BRME1: variants seen among roughly 807,000 people sequenced by gnomAD.
BRME1 encodes the protein BRCA2 and MEILB2-associating protein 1.
A neutral mutation model predicts 52.6 loss-of-function variants in BRME1; 31 were observed. The observed-to-expected ratio is 0.59, with a 90% CI of 0.44 to 0.80. The LOEUF is 0.80. Among genes scored for constraint, BRME1 ranks in the 30% least tolerant of loss-of-function variants. The pLI is 0.00. For synonymous variants in BRME1, 359 were observed against 353.6 expected, an observed-to-expected ratio of 1.02 and a Z score of -0.17; for missense variants, 804 against 860.3, an observed-to-expected ratio of 0.93 and a Z score of 0.82.
chr19:13,890,273 G>A lies in BRME1; in HGVS notation c.583C>T (p.Pro195Ser). 6.2e-7 allele frequency: 1 copy of A among 1,613,500 alleles called. No homozygotes were observed. The highest frequency in any genetic ancestry group is 2.2e-5 in the East Asian group (1 of 44,888). ...GCGGACAACCCCGTCCCCCTGTCTG[G>A]AGGGTCATCAGGCTGAGAATCCCCA... ...GSGDSQPDDP[P>S]DRGTGLSASQ... Residue 195 changes from proline (P) to serine (S), a missense_variant, in exon 6 of 9, where the codon CCA becomes TCA. Pro to Ser is a moderately conservative substitution (Grantham distance 74). Coordinates refer to ENST00000586783, the MANE Select transcript of BRME1 (RefSeq NM_001345843.2).
intron 5 of BRME1, 51 bp from the exon 6 acceptor site, chr19:13,890,513 C>G: frequency 7.0e-7 from 1 of 1,426,166 alleles, no homozygotes; most frequent in Non-Finnish European, 9.2e-7. Flanking sequence ...CCAAGTTCTC[C>G]GAAGAGTTTT....
chr19:13,905,043 G>A, intron 1 of BRME1, 130 bp from the exon 2 acceptor site: 1 of 695,824 alleles, frequency 1.4e-6, no homozygotes, highest in South Asian at 1.7e-5. Flanking sequence ...GGGGTCAGAT[G>A]GCTCCCACTG....
intron 5 of BRME1, 40 bp from the exon 6 acceptor site, chr19:13,890,502 A>T (rs527677218): frequency 2.1e-6 from 3 of 1,434,336 alleles, no homozygotes; most frequent in Admixed American, 5.3e-5. Context: ...GCCTTTGATA[A>T]CCAAGTTCTC....
intron 2 of BRME1, among the ~76,000 whole-genome samples, chr19:13,895,837 G>A (rs1969850029): frequency 6.6e-6 from 1 of 152,170 alleles, no homozygotes; most frequent in African/African-American, 2.4e-5. Flanking sequence ...GGAAAACTGG[G>A]ACTCACAGCC....
chr19:13,891,135 T>TTTTTTTTTTTATTA (rs59151567), intron 5 of BRME1, among the ~76,000 whole-genome samples: 10 of 146,634 alleles, frequency 6.8e-5, no homozygotes, highest in African/African-American at 2.3e-4. Flanking sequence ...CAATTTCCTG[T>TTTTTTTTTTTATTA]TTATTATTAT....
Position 13,890,303 on chromosome 19 carries a change from C to A in BRME1, c.553G>T (p.Gly185Cys), listed in dbSNP as rs763250600. 1.9e-6 allele frequency: 3 copies of A among 1,608,912 alleles called. No individual in the cohort carries two copies. Among genetic ancestry groups the A allele is most frequent in the Non-Finnish European group, 2.5e-6 (3 of 1,177,362 alleles). ...TCATCAGGCTGAGAATCCCCACTGC[C>A]GGGCACCGCCTGCACAGGGCTCTGG... is the stretch of plus-strand genomic sequence containing the variant. ...SSQSPVQAVP[G>C]SGDSQPDDPP... The change falls in exon 6 of 9, where the codon GGC becomes TGC. Residue 185 changes from glycine (G) to cysteine (C), a missense_variant. This residue lies in a region of BRME1 where 234 missense variants were observed against 258.1 expected (regional missense o/e 0.91). Coordinates refer to ENST00000586783, the MANE Select transcript of BRME1 (RefSeq NM_001345843.2).
At chr19:13,887,911 G>A (rs1969157725) in intron 6 of BRME1, among the ~76,000 whole-genome samples, 1 of 151,888 alleles carries the variant, frequency 6.6e-6, no homozygotes, top group South Asian at 2.1e-4. Context: ...CTGCAGCCAT[G>A]CATCCCCATG....
rs1360815831 is a variant in BRME1 at position 13,888,859 on chromosome 19, C to T, written c.1668+329G>A. Among the ~76,000 whole-genome samples the T allele has an allele frequency of 6.6e-6, 1 of 152,122 alleles. No homozygotes were observed. The highest frequency in any genetic ancestry group is 6.5e-5 in the Admixed American group (1 of 15,282). ...CAATACATCCCCTGGGACCCCACGG[C>T]CAGGGTCAGGCACTGAAGCAGAAGC... On this transcript the variant is annotated intron_variant, in intron 6 of 8. Coordinates refer to ENST00000586783, the MANE Select transcript of BRME1 (RefSeq NM_001345843.2). The surrounding 1 kb of genome is among the most constrained non-coding windows in gnomAD (Gnocchi z 4.1).
intron 3 of BRME1, among the ~76,000 whole-genome samples, 184 bp from the exon 4 acceptor site, chr19:13,893,407 G>A (rs929757242): frequency 6.6e-6 from 1 of 152,064 alleles, no homozygotes; most frequent in Non-Finnish European, 1.5e-5. Context: ...ATGTGGTGGC[G>A]CACGCCTGTA....
rs1198847833 is a variant in BRME1, at chr19:13,905,919, TC to T, written c.-227del. The stretch of plus-strand genomic sequence containing the variant: ...TGAGGGTGGGCGCTGTAGACCCCGC[TC>T]CCGGTGACAAGCCCCACACTGACAC... On this transcript the variant is annotated 5_prime_UTR_variant, in exon 1 of 9. It introduces an in-frame stop codon into an upstream open reading frame of the 5' UTR. Transcript: ENST00000586783. 6.6e-6 allele frequency: 1 copy of T among 151,562 alleles called. No individual in the cohort carries two copies. The highest frequency in any genetic ancestry group is 1.5e-5 in the Non-Finnish European group (1 of 67,930). 9.4% of individuals were successfully genotyped at this position (151,562 alleles called of 1,614,324 possible). A position where few individuals can be genotyped will look rare whatever the true frequency, so the allele number is the denominator to read the frequency against.
intron 2 of BRME1, among the ~76,000 whole-genome samples, chr19:13,902,096 A>C (rs1307522507): frequency 6.6e-6 from 1 of 151,788 alleles, no homozygotes; most frequent in Non-Finnish European, 1.5e-5. Flanking sequence ...TAATCCCAGC[A>C]CTTTGGCTGA....
At chr19:13,900,557 T>A (rs1404672645) in intron 2 of BRME1, among the ~76,000 whole-genome samples, 1 of 152,216 alleles carries the variant, frequency 6.6e-6, no homozygotes, top group Non-Finnish European at 1.5e-5. Flanking sequence ...ATGCACACCA[T>A]TCCCTAAATT....
At chr19:13,895,072 T>C (rs1365074659) in intron 3 of BRME1, among the ~76,000 whole-genome samples, 1 of 151,752 alleles carries the variant, frequency 6.6e-6, no homozygotes, top group Non-Finnish European at 1.5e-5. Flanking sequence ...AGAGACGGGG[T>C]TTTGCAGTGT....
intron 2 of BRME1, among the ~76,000 whole-genome samples, chr19:13,903,746 G>A (rs1970456431): frequency 6.6e-6 from 1 of 151,596 alleles, no homozygotes; most frequent in Non-Finnish European, 1.5e-5. Flanking sequence ...CTCTCACCTA[G>A]TTGAGAAACA....
intron 6 of BRME1, among the ~76,000 whole-genome samples, chr19:13,887,346 G>A (rs1025502431): frequency 2.6e-5 from 4 of 152,184 alleles, no homozygotes; most frequent in Non-Finnish European, 1.5e-5. Context: ...AGCCAAACAC[G>A]CCCAGGCCCT....
intron 3 of BRME1, among the ~76,000 whole-genome samples, chr19:13,894,036 C>G (rs1336680584): frequency 1.3e-5 from 2 of 152,106 alleles, no homozygotes; most frequent in Non-Finnish European, 1.5e-5. Flanking sequence ...TGCAGAGTCC[C>G]ACCTGGAGAA....
intron 3 of BRME1, among the ~76,000 whole-genome samples, chr19:13,894,128 T>G (rs1200450466): frequency 6.6e-6 from 1 of 152,196 alleles, no homozygotes; most frequent in Admixed American, 6.5e-5. Flanking sequence ...TATTCTCATT[T>G]GGACGGACAC....
chr19:13,885,023 C>G (rs1367296838), intron 7 of BRME1: 2 of 152,332 alleles, frequency 1.3e-5, no homozygotes, highest in African/African-American at 4.8e-5. Flanking sequence ...GCTCTTCACT[C>G]AAACCACAGC....
At chr19:13,891,139 TTATTATTA>T (rs1969467954) in intron 5 of BRME1, among the ~76,000 whole-genome samples, 2 of 146,252 alleles carry the variant, frequency 1.4e-5, no homozygotes, top group Admixed American at 6.8e-5. Context: ...TTCCTGTTTA[TTATTATTA>T]TTATTATTAT....
Sources: gnomAD v4.1 joint callset for allele counts (sites outside exome capture counted in the v4.1 genomes callset) on GRCh38, gnomAD v4.1.1 for gene constraint, gnomAD v4.1.1 regional missense constraint, Gnocchi (gnomAD v3.1) non-coding constraint, MANE v1.5 for transcripts, NCBI Gene and HGNC (gene_info 2026-07-23, HGNC 2026-07-21) for gene names.